Variants in CNTNAP5 observed in about 807,000 individuals in gnomAD.
CNTNAP5 encodes contactin-associated protein-like 5.
A neutral mutation model predicts 150.2 loss-of-function variants in CNTNAP5; 72 were observed. That is an observed-to-expected ratio of 0.48 (90% CI 0.40 to 0.58). CNTNAP5 has a LOEUF of 0.58. Ranked by LOEUF, CNTNAP5 falls within the 20% of genes least tolerant of loss-of-function variation. CNTNAP5 has a pLI of 0.00. For synonymous variants in CNTNAP5, 672 were observed against 619.8 expected (o/e 1.08, Z -1.25); for missense variants, 1,636 against 1,626.2 (o/e 1.01, Z -0.10).
chr2:124,225,512 T>C (rs2104745455), intron 2 of CNTNAP5, among the ~76,000 whole-genome samples: 1 of 152,294 alleles, frequency 6.6e-6, no homozygotes, highest in African/African-American at 2.4e-5. Context: ...CAAATAAAAC[T>C]GTATACATTT....
At chr2:124,046,489 T>C (rs1027629452) in intron 1 of CNTNAP5, among the ~76,000 whole-genome samples, 7 of 150,390 alleles carry the variant, frequency 4.7e-5, no homozygotes, top group African/African-American at 1.7e-4. Context: ...TGCAAGGCTC[T>C]GAATAGCCAC....
intron 4 of CNTNAP5, among the ~76,000 whole-genome samples, chr2:124,426,649 C>T (rs1228122008): frequency 6.6e-6 from 1 of 152,164 alleles, no homozygotes; most frequent in African/African-American, 2.4e-5. Context: ...GTCCCTGGCC[C>T]ACTCAGGAGC....
intron 21 of CNTNAP5, among the ~76,000 whole-genome samples, chr2:124,900,573 T>C (rs1451578082): frequency 1.3e-5 from 2 of 151,468 alleles, no homozygotes; most frequent in African/African-American, 4.9e-5. Flanking sequence ...AGAATGTCAT[T>C]TGCTGGCATT....
rs571642781 is a variant in CNTNAP5, at chr2:124,642,537, G to A, written c.1877-5221G>A. ...TGAAAGACCACTCTTGACCTTGGAAGTTCTCAAGGAAAAGAGTGCACAGAC... is the reference window on the plus strand; with the variant it reads ...TGAAAGACCACTCTTGACCTTGGAAATTCTCAAGGAAAAGAGTGCACAGAC... On this transcript the variant is annotated intron_variant, in intron 12 of 23. Transcript: ENST00000682447. 2.4e-4 allele frequency among the ~76,000 whole-genome samples: 36 copies of A among 152,314 alleles called. No individual in the cohort carries two copies. In the East Asian group the frequency reaches 6.8e-3, roughly 29 times the overall value.
intron 13 of CNTNAP5, among the ~76,000 whole-genome samples, chr2:124,672,653 A>G (rs995734161): frequency 2.0e-5 from 3 of 152,176 alleles, no homozygotes; most frequent in Non-Finnish European, 4.4e-5. Context: ...TATAAAACTG[A>G]AATTTAAAGG....
intron 21 of CNTNAP5, among the ~76,000 whole-genome samples, chr2:124,874,686 G>A (rs927062658): frequency 2.6e-5 from 4 of 151,934 alleles, no homozygotes; most frequent in Non-Finnish European, 5.9e-5. Flanking sequence ...GCAGAATTAA[G>A]AAGTAGCTAC....
intron 1 of CNTNAP5, among the ~76,000 whole-genome samples, chr2:124,202,946 C>T (rs56184210): frequency 0.19 from 28,868 of 151,956 alleles, 2,847 homozygotes; most frequent in East Asian, 0.25. Flanking sequence ...CATATCCTCG[C>T]ATTTTAAAGC....
intron 3 of CNTNAP5, among the ~76,000 whole-genome samples, chr2:124,407,150 G>A (rs1203718825): frequency 6.6e-6 from 1 of 151,926 alleles, no homozygotes; most frequent in Non-Finnish European, 1.5e-5. Flanking sequence ...GATAAACATG[G>A]GGGTGCAGGT....
intron 3 of CNTNAP5, among the ~76,000 whole-genome samples, chr2:124,395,228 G>A (rs1047189683): frequency 2.6e-5 from 4 of 152,158 alleles, no homozygotes; most frequent in Admixed American, 6.5e-5. Flanking sequence ...CAAGTACCAT[G>A]AGAGATGGAG....
intron 13 of CNTNAP5, among the ~76,000 whole-genome samples, chr2:124,659,917 GA>G (rs1476737940): frequency 6.6e-6 from 1 of 152,096 alleles, no homozygotes; most frequent in Non-Finnish European, 1.5e-5. Flanking sequence ...AGGGAAGACT[GA>G]CCCTCAGAGA....
intron 1 of CNTNAP5, among the ~76,000 whole-genome samples, chr2:124,067,135 AC>A (rs1432292147): frequency 2.0e-5 from 3 of 152,232 alleles, no homozygotes; most frequent in South Asian, 4.1e-4. Flanking sequence ...AATCCCACAA[AC>A]AAAAAGATAC....
At chr2:124,682,532 C>CCACTGGAT (rs1679091571) in intron 13 of CNTNAP5, among the ~76,000 whole-genome samples, 1 of 152,064 alleles carries the variant, frequency 6.6e-6, no homozygotes, top group Non-Finnish European at 1.5e-5. Flanking sequence ...AGGCTTCTGG[C>CCACTGGAT]CACTGGACCA....
intron 13 of CNTNAP5, among the ~76,000 whole-genome samples, chr2:124,683,335 T>G (rs1261409756): frequency 1.3e-5 from 2 of 152,196 alleles, no homozygotes; most frequent in Admixed American, 6.5e-5. Context: ...GGTAAGAATA[T>G]TTAAGTGGTT....
At chr2:124,253,829 G>A (rs1241860191) in intron 3 of CNTNAP5, among the ~76,000 whole-genome samples, 1 of 151,754 alleles carries the variant, frequency 6.6e-6, no homozygotes, top group Non-Finnish European at 1.5e-5. Flanking sequence ...ACCTGTAACT[G>A]TACTCCATGG....
chr2:124,229,431 A>T (rs1558810792), intron 2 of CNTNAP5, among the ~76,000 whole-genome samples: 1 of 152,194 alleles, frequency 6.6e-6, no homozygotes, highest in Non-Finnish European at 1.5e-5. Context: ...GGGATTTGCC[A>T]AATAGAATTT....
Position 124,704,230 on chromosome 2 carries a change from C to T in CNTNAP5, c.2078-42999C>T, listed in dbSNP as rs778803259. ...ATAGAACTGGTGGCCTCAGCTTAGA[C>T]TTTTCTCTATTGTTGCAAGCACAGG... On this transcript the variant is annotated intron_variant, in intron 13 of 23. Transcript: ENST00000682447. Among the ~76,000 whole-genome samples the T allele has an allele frequency of 3.3e-5, 5 of 152,194 alleles. 1 individual carries two copies. The highest frequency in any genetic ancestry group is 4.1e-4 in the South Asian group (2 of 4,832).
At chr2:124,185,367 G>A (rs1444368982) in intron 1 of CNTNAP5, among the ~76,000 whole-genome samples, 2 of 152,154 alleles carry the variant, frequency 1.3e-5, no homozygotes, top group Admixed American at 6.5e-5. Context: ...CATTTTCCAG[G>A]ACACTTCTGT....
intron 20 of CNTNAP5, among the ~76,000 whole-genome samples, chr2:124,869,244 A>G (rs1487761709): frequency 6.6e-6 from 1 of 152,132 alleles, no homozygotes; most frequent in African/African-American, 2.4e-5. Context: ...ATTATGGGAC[A>G]ATGGGGACAG....
At chr2:124,443,813 CGTGTGTGT>C (rs3034804) in intron 5 of CNTNAP5, among the ~76,000 whole-genome samples, 124 of 143,790 alleles carry the variant, frequency 8.6e-4, no homozygotes, top group Middle Eastern at 3.5e-3. Flanking sequence ...AATTCCTTGC[CGTGTGTGT>C]GTGTGTGTGT....
Sources: allele counts gnomAD v4.1 joint callset (sites outside exome capture counted in the v4.1 genomes callset), GRCh38; gene constraint gnomAD v4.1.1; transcripts MANE v1.5; gene names NCBI Gene and HGNC (gene_info 2026-07-23, HGNC 2026-07-21).